BEND4: variants seen among roughly 807,000 people sequenced by gnomAD.
BEND4 encodes the protein BEN domain containing 4, also known as BEN domain-containing protein 4.
In BEND4, 27 loss-of-function variants were observed where a neutral mutation model predicts 54.7. That is an observed-to-expected ratio of 0.49 (90% CI 0.36 to 0.68). The LOEUF is 0.68. BEND4 is among the 30% of genes least tolerant of loss of function. The pLI, the probability that BEND4 is intolerant of heterozygous loss-of-function variation, is 0.00. For synonymous variants in BEND4, 327 were observed against 299.5 expected (o/e 1.09, Z -0.95); for missense variants, 702 against 697.2 (o/e 1.01, Z -0.08).
At chr4:42,122,860 G>A (rs1249746078) in intron 4 of BEND4, among the ~76,000 whole-genome samples, 1 of 152,154 alleles carries the variant, frequency 6.6e-6, no homozygotes, top group Non-Finnish European at 1.5e-5. Flanking sequence ...CAACTCAAAG[G>A]GACGGGGCTG....
At chr4:42,130,296 C>G (rs912229491) in intron 3 of BEND4, among the ~76,000 whole-genome samples, 1 of 151,858 alleles carries the variant, frequency 6.6e-6, no homozygotes, top group Non-Finnish European at 1.5e-5. Context: ...CCAGCTAACA[C>G]GGTGAAACCC....
At chr4:42,143,318 CACACATACATATACACAT>C in intron 3 of BEND4, 92 bp downstream of exon 3, 2 of 997,364 alleles carry the variant, frequency 2.0e-6, no homozygotes, top group Non-Finnish European at 2.9e-6. Context: ...AAAAAAAGCC[CACACATACATATACACAT>C]ACACATACAT....
chr4:42,119,142 T>A (rs1353424331), intron 5 of BEND4, among the ~76,000 whole-genome samples: 1 of 152,066 alleles, frequency 6.6e-6, no homozygotes, highest in Non-Finnish European at 1.5e-5. Flanking sequence ...ACTGTGAGCA[T>A]CTCAGGAGGG....
chr4:42,150,905 G>A (rs1721246346), intron 2 of BEND4: 1 of 152,334 alleles, frequency 6.6e-6, no homozygotes, highest in African/African-American at 2.4e-5. Flanking sequence ...ACGAGGGGAT[G>A]GCGGGGACGA....
chr4:42,125,212 A>G (rs7376752), intron 4 of BEND4, among the ~76,000 whole-genome samples: 62,668 of 152,128 alleles, frequency 0.41, 18,697 homozygotes, highest in African/African-American at 0.85. Context: ...CTGCACACTG[A>G]AGAATCATGC....
Position 42,143,640 on chromosome 4 carries a change from G to C in BEND4, c.842C>G (p.Pro281Arg), listed in dbSNP as rs1212277184. 1.9e-6 allele frequency: 3 copies of C among 1,613,392 alleles called. No individual in the cohort carries two copies. The South Asian group carries it at 3.3e-5, about 18-fold the overall frequency. Residue 281 changes from proline (P) to arginine (R), a missense_variant, in exon 3 of 6, where the codon CCT becomes CGT. By Grantham distance (103) the Pro-to-Arg change is moderately radical (BLOSUM62 -2). Coordinates refer to ENST00000502486, the MANE Select transcript of BEND4 (RefSeq NM_207406.4). Reference protein sequence around the residue: ...SEYGHLADVDPLSTSPVHTLG... With the variant: ...SEYGHLADVDRLSTSPVHTLG... Reference sequence around the variant, plus strand: ...TGTATGCACAGGAGAGGTTGACAGAGGATCCACGTCGGCCAGATGGCCATA... The same window carrying C: ...TGTATGCACAGGAGAGGTTGACAGACGATCCACGTCGGCCAGATGGCCATA...
intron 3 of BEND4, among the ~76,000 whole-genome samples, chr4:42,137,249 G>C (rs1011364970): frequency 6.6e-6 from 1 of 152,220 alleles, no homozygotes; most frequent in Non-Finnish European, 1.5e-5. Context: ...TTATAAAGTA[G>C]AGGGTCCTAC....
chr4:42,114,754 T>A lies in BEND4; in HGVS notation c.*2764A>T, dbSNP rs1313371211. 1 of 152,086 alleles carries A rather than the reference T, an allele frequency of 6.6e-6. No individual in the cohort carries two copies. Among genetic ancestry groups the A allele is most frequent in the Non-Finnish European group, 1.5e-5 (1 of 68,056 alleles). 9.4% of individuals were successfully genotyped at this position (152,086 alleles called of 1,614,324 possible). A position where few individuals can be genotyped will look rare whatever the true frequency, so the allele number is the denominator to read the frequency against. On this transcript the variant is annotated 3_prime_UTR_variant, in exon 6 of 6. Transcript: ENST00000502486. The stretch of plus-strand genomic sequence containing the variant: ...GGCCTTGCCAAAATACAAATGAACA[T>A]CCTTTGTTGGTCCTGATTTAAACAA...
chr4:42,150,819 G>A (rs1342703437), intron 2 of BEND4, among the ~76,000 whole-genome samples: 2 of 152,232 alleles, frequency 1.3e-5, no homozygotes, highest in African/African-American at 4.8e-5. Flanking sequence ...CTCCCACGAG[G>A]CGTTTCTGTA....
chr4:42,120,202 C>T lies in BEND4; in HGVS notation c.1239G>A (p.Arg413=), dbSNP rs372432360. The T allele has an allele frequency of 8.6e-5, 138 of 1,613,822 alleles. No individual in the cohort carries two copies. Among genetic ancestry groups the T allele is most frequent in the Non-Finnish European group, 1.0e-4 (121 of 1,179,890 alleles). The change falls in exon 5 of 6, where the codon CGG becomes CGA. Residue 413 remains arginine (R), a synonymous_variant. Transcript: ENST00000502486. ...AVNSSKKDGR[R]LLRYLIRFVF... is the part of the protein sequence containing the mutation. ...CAAATCTGATGAGGTATCGAAGGAG[C>T]CGTCTCCCATCTTTCTTTGAAGAAT...
At chr4:42,146,843 T>C (rs1721097293) in intron 2 of BEND4, among the ~76,000 whole-genome samples, 2 of 152,230 alleles carry the variant, frequency 1.3e-5, no homozygotes, top group African/African-American at 2.4e-5. Flanking sequence ...TAAGAACTGC[T>C]TGAATGTATT....
chr4:42,128,174 CA>C (rs1431620283), intron 3 of BEND4, among the ~76,000 whole-genome samples: 94 of 152,104 alleles, frequency 6.2e-4, no homozygotes, highest in Non-Finnish European at 1.6e-4. Context: ...AACAAACAAA[CA>C]AAAAGACGCA....
intron 3 of BEND4, among the ~76,000 whole-genome samples, chr4:42,140,197 G>A (rs1270684575): frequency 6.6e-6 from 1 of 151,984 alleles, no homozygotes; most frequent in African/African-American, 2.4e-5. Context: ...CACATGGTAA[G>A]TAATCACAAA....
Position 42,143,665 on chromosome 4 carries a change from A to C in BEND4, c.817T>G (p.Tyr273Asp), listed in dbSNP as rs913639559. 29 of 1,614,008 alleles carry C rather than the reference A, an allele frequency of 1.8e-5. No individual in the cohort carries two copies. The highest frequency in any genetic ancestry group is 2.5e-5 in the Non-Finnish European group (29 of 1,179,888). The change falls in exon 3 of 6, where the codon TAT becomes GAT. Residue 273 changes from tyrosine to aspartate, a missense_variant. By Grantham distance (160) the Tyr-to-Asp change is radical. Transcript: ENST00000502486. The stretch of plus-strand genomic sequence containing the variant: ...GGATCCACGTCGGCCAGATGGCCAT[A>C]TTCACTGGCTGACGAGGGGTTTGGA... ...PTPNPSSASE[Y>D]GHLADVDPLS...
intron 2 of BEND4, among the ~76,000 whole-genome samples, chr4:42,148,517 T>C (rs1339569322): frequency 2.0e-5 from 3 of 152,238 alleles, no homozygotes; most frequent in Admixed American, 2.0e-4. Context: ...GCACATACTA[T>C]AACAGGCAGC....
chr4:42,126,793 T>A (rs1476068931), intron 3 of BEND4, among the ~76,000 whole-genome samples: 1 of 152,176 alleles, frequency 6.6e-6, no homozygotes, highest in African/African-American at 2.4e-5. Flanking sequence ...GGAGAATAGC[T>A]TAAGCCCAGG....
intron 4 of BEND4, among the ~76,000 whole-genome samples, chr4:42,124,872 T>G (rs1720212830): frequency 6.7e-6 from 1 of 148,938 alleles, no homozygotes; most frequent in Non-Finnish European, 1.5e-5. Flanking sequence ...CCAGGATACT[T>G]TGGGAGCCTG....
At chr4:42,132,019 A>G (rs1016182591) in intron 3 of BEND4, among the ~76,000 whole-genome samples, 5 of 150,432 alleles carry the variant, frequency 3.3e-5, no homozygotes, top group Non-Finnish European at 5.9e-5. Flanking sequence ...ATTTTCTGTG[A>G]AAAAAAAAAG....
intron 3 of BEND4, among the ~76,000 whole-genome samples, chr4:42,129,473 A>T (rs1020240393): frequency 1.3e-5 from 2 of 152,182 alleles, no homozygotes; most frequent in East Asian, 1.9e-4. Flanking sequence ...AGCCATGACA[A>T]TCTAAGCAAA....
Sources: allele counts gnomAD v4.1 joint callset (sites outside exome capture counted in the v4.1 genomes callset), GRCh38; gene constraint gnomAD v4.1.1; transcripts MANE v1.5; gene names NCBI Gene and HGNC (gene_info 2026-07-23, HGNC 2026-07-21).